Variants in LARP6 observed in about 807,000 individuals in gnomAD.
LARP6 encodes the protein la-related protein 6.
In LARP6, 18 loss-of-function variants were observed where a neutral mutation model predicts 32.8. The observed-to-expected ratio is 0.55, with a 90% CI of 0.38 to 0.81. LARP6 has a LOEUF of 0.81. Ranked by LOEUF, LARP6 falls within the 40% of genes least tolerant of loss-of-function variation. LARP6 has a pLI of 0.00. For missense variants in LARP6, 598 were observed against 663.1 expected (o/e 0.90, Z 1.08); for synonymous variants, 289 against 267.2 (o/e 1.08, Z -0.80).
At position 70,830,916 on chromosome 15, in the gene LARP6, G is replaced by C. The variant is rs11072220; in HGVS notation, c.*1136C>G. 1 of 152,030 alleles carries C rather than the reference G, an allele frequency of 6.6e-6. No individual in the cohort carries two copies. The highest frequency in any genetic ancestry group is 1.5e-5 in the Non-Finnish European group (1 of 68,022). 9.4% of individuals were successfully genotyped at this position (152,030 alleles called of 1,614,324 possible). On this transcript the variant is annotated 3_prime_UTR_variant, in exon 3 of 3. Transcript: ENST00000299213. ...CAGCTGCATTCCAGACATGGACATC[G>C]TAACAAAGCAATTCACAGGGAGATG...
At chr15:70,850,773 C>T (rs1025420583) in intron 1 of LARP6, among the ~76,000 whole-genome samples, 1 of 152,152 alleles carries the variant, frequency 6.6e-6, no homozygotes, top group African/African-American at 2.4e-5. Flanking sequence ...CAAATCAAAA[C>T]CTTAGCCCTA....
At chr15:70,836,118 G>T (rs1363268643) in intron 2 of LARP6, among the ~76,000 whole-genome samples, 177 bp downstream of exon 2, 1 of 152,120 alleles carries the variant, frequency 6.6e-6, no homozygotes, top group Non-Finnish European at 1.5e-5. Flanking sequence ...TAGTGTGGGA[G>T]TATATTCCTA....
intron 1 of LARP6, among the ~76,000 whole-genome samples, chr15:70,840,229 C>G: frequency 6.6e-6 from 1 of 152,154 alleles, no homozygotes; most frequent in East Asian, 1.9e-4. Context: ...AGTTTATCGC[C>G]TAAATAGTAG....
At chr15:70,840,590 AC>A (rs1402765863) in intron 1 of LARP6, among the ~76,000 whole-genome samples, 1 of 152,190 alleles carries the variant, frequency 6.6e-6, no homozygotes, top group Non-Finnish European at 1.5e-5. Flanking sequence ...GATATAACAG[AC>A]AAAATAACTA....
intron 1 of LARP6, among the ~76,000 whole-genome samples, chr15:70,838,830 C>T (rs957138022): frequency 4.7e-5 from 7 of 150,270 alleles, no homozygotes; most frequent in Admixed American, 1.3e-4. Flanking sequence ...CTTAACAAGG[C>T]CTATTACTGT....
chr15:70,846,328 A>G (rs1199571801), intron 1 of LARP6, among the ~76,000 whole-genome samples: 1 of 152,136 alleles, frequency 6.6e-6, no homozygotes, highest in Non-Finnish European at 1.5e-5. Flanking sequence ...TCGGCTCCCA[A>G]CCAGGCACGG....
At chr15:70,851,036 A>G (rs1239216827) in intron 1 of LARP6, among the ~76,000 whole-genome samples, 1 of 152,182 alleles carries the variant, frequency 6.6e-6, no homozygotes, top group Non-Finnish European at 1.5e-5. Context: ...GTAAAAGACA[A>G]TTGTGGCACA....
chr15:70,854,077 G>T lies in LARP6; in HGVS notation c.12C>A (p.Ser4=). The T allele has an allele frequency of 1.5e-6, 2 of 1,352,208 alleles. No individual in the cohort carries two copies. Among genetic ancestry groups the T allele is most frequent in the Non-Finnish European group, 1.9e-6 (2 of 1,045,116 alleles). 83.8% of individuals were successfully genotyped at this position (1,352,208 alleles called of 1,614,324 possible). Residue 4 remains serine (S), a synonymous_variant, in exon 1 of 3, where the codon TCC becomes TCA. Coordinates refer to ENST00000299213, the MANE Select transcript of LARP6 (RefSeq NM_018357.4). MAQ[S]GGEARPGPKT... ...TGGGCCCGGGCCGAGCCTCCCCGCC[G>T]GACTGGGCCATGGCTCGCGGGACTG...
At chr15:70,851,771 T>C in intron 1 of LARP6, 1 of 1,613,162 alleles carries the variant, frequency 6.2e-7, no homozygotes, top group South Asian at 1.1e-5. Context: ...GTGCTAGGCA[T>C]AAAATGTACA....
chr15:70,834,460 T>G (rs2032111162), intron 2 of LARP6, among the ~76,000 whole-genome samples: 1 of 152,194 alleles, frequency 6.6e-6, no homozygotes, highest in African/African-American at 2.4e-5. Flanking sequence ...AGTGGCTCAC[T>G]GTGGGGTGAA....
At chr15:70,834,919 A>C (rs2032119939) in intron 2 of LARP6, among the ~76,000 whole-genome samples, 1 of 152,196 alleles carries the variant, frequency 6.6e-6, no homozygotes, top group South Asian at 2.1e-4. Flanking sequence ...CTGATTTTGG[A>C]GGTGTTAGGG....
intron 1 of LARP6, chr15:70,851,619 A>C (rs748121505): frequency 6.2e-7 from 1 of 1,609,782 alleles, no homozygotes; most frequent in Non-Finnish European, 8.5e-7. Flanking sequence ...AGAGATACGC[A>C]TTCAGTCAAC....
chr15:70,846,336 C>T (rs752975535), intron 1 of LARP6, among the ~76,000 whole-genome samples: 8 of 152,148 alleles, frequency 5.3e-5, no homozygotes, highest in African/African-American at 1.2e-4. Context: ...CAACCAGGCA[C>T]GGTGGCTCAC....
At position 70,832,742 on chromosome 15, in the gene LARP6, C is replaced by A; in HGVS notation, c.786G>T (p.Glu262Asp). The change falls in exon 3 of 3, where the codon GAG becomes GAT. Residue 262 changes from glutamate (E) to aspartate (D), a missense_variant. Glu to Asp is a conservative substitution (Grantham distance 45, BLOSUM62 2). Around this residue, in one of 3 missense-constraint regions of LARP6, gnomAD observed 368 missense variants for 397.9 expected, o/e 0.92. Transcript: ENST00000299213. ...QVGTQECAIV[E>D]FEEVEAAIKA... ...TGATGGCTGCTTCCACCTCCTCGAA[C>A]TCCACGATGGCGCACTCCTGGGTCC... The A allele has an allele frequency of 6.3e-7, 1 of 1,597,946 alleles. No homozygotes were observed. Among genetic ancestry groups the A allele is most frequent in the Non-Finnish European group, 8.5e-7 (1 of 1,174,092 alleles).
At chr15:70,833,458 T>G (rs537668730) in intron 2 of LARP6, among the ~76,000 whole-genome samples, 13 of 152,316 alleles carry the variant, frequency 8.5e-5, no homozygotes, top group African/African-American at 3.1e-4. Flanking sequence ...CACCTCTAGC[T>G]TGAAGTAAGA....
Position 70,854,069 on chromosome 15 carries a change from T to G in LARP6, c.20A>C (p.Glu7Ala). The part of the protein sequence containing the change: MAQSGG[E>A]ARPGPKTAVQ... ...CGCCGTCTTGGGCCCGGGCCGAGCCTCCCCGCCGGACTGGGCCATGGCTCG... is the reference window on the plus strand; with the variant it reads ...CGCCGTCTTGGGCCCGGGCCGAGCCGCCCCGCCGGACTGGGCCATGGCTCG... Residue 7 changes from glutamate to alanine, a missense_variant, in exon 1 of 3, where the codon GAG (glutamate) becomes GCG (alanine). By Grantham distance (107) the Glu-to-Ala change is moderately radical (BLOSUM62 -1). Coordinates refer to ENST00000299213, the MANE Select transcript of LARP6 (RefSeq NM_018357.4). 7.3e-7 allele frequency: 1 copy of G among 1,371,864 alleles called. No individual in the cohort carries two copies. Among genetic ancestry groups the G allele is most frequent in the African/African-American group, 1.5e-5 (1 of 66,828 alleles). The allele number at this position is 1,371,864 out of a possible 1,614,324, so 85.0% of individuals were successfully genotyped here.
rs772479487 is a variant in LARP6, at chr15:70,832,220, A to G, written c.1308T>C (p.Arg436=). ...TPSGSPWVRR[R]RQAEMGTQEK... is the part of the protein sequence containing the mutation. ...CCTGGGTCCCCATCTCGGCTTGGCGACGCCTCCGGACCCAGGGGCTGCCAG... is the reference window on the plus strand; with the variant it reads ...CCTGGGTCCCCATCTCGGCTTGGCGGCGCCTCCGGACCCAGGGGCTGCCAG... Residue 436 remains arginine (R), a synonymous_variant, in exon 3 of 3, where the codon CGT becomes CGC. Transcript: ENST00000299213. The G allele has an allele frequency of 5.0e-6, 8 of 1,613,214 alleles. No homozygotes were observed. The highest frequency in any genetic ancestry group is 1.3e-5 in the African/African-American group (1 of 74,826).
intron 1 of LARP6, among the ~76,000 whole-genome samples, chr15:70,845,842 G>A (rs1377832369): frequency 1.3e-5 from 2 of 152,262 alleles, no homozygotes; most frequent in African/African-American, 2.4e-5. Context: ...TGAGCAGGCA[G>A]GGAATGATTA....
chr15:70,848,286 G>A (rs1435122952), intron 1 of LARP6, among the ~76,000 whole-genome samples: 1 of 152,186 alleles, frequency 6.6e-6, no homozygotes, highest in Non-Finnish European at 1.5e-5. Context: ...CCTGTCTTCT[G>A]CCATGCTGTT....
Sources: gnomAD v4.1 joint callset for allele counts (sites outside exome capture counted in the v4.1 genomes callset) on GRCh38, gnomAD v4.1.1 for gene constraint, gnomAD v4.1.1 regional missense constraint, MANE v1.5 for transcripts, NCBI Gene and HGNC (gene_info 2026-07-23, HGNC 2026-07-21) for gene names.